Variants in ARMC1 observed in about 807,000 individuals in gnomAD.
The protein encoded by ARMC1 is armadillo repeat containing 1, also known as armadillo repeat-containing protein 1.
Under a neutral mutation model 31.4 loss-of-function variants are expected in ARMC1, and 16 were observed. The observed-to-expected ratio is 0.51, with a 90% confidence interval of 0.34 to 0.77. The LOEUF (loss-of-function observed/expected upper bound fraction) is 0.77, where lower values mean the gene tolerates loss of function less well. ARMC1 is among the 30% of genes least tolerant of loss of function. The pLI is 0.01. For synonymous variants in ARMC1, 114 were observed against 118.9 expected (o/e 0.96, Z 0.27); for missense variants, 259 against 347.5 (o/e 0.75, Z 2.02).
chr8:65,625,715 T>C (rs939749151), intron 2 of ARMC1, among the ~76,000 whole-genome samples: 1 of 152,162 alleles, frequency 6.6e-6, no homozygotes, highest in African/African-American at 2.4e-5. Context: ...CCAATGTCTT[T>C]TTTGACTGCT....
chr8:65,614,536 T>C (rs1235035536), intron 3 of ARMC1, among the ~76,000 whole-genome samples: 1 of 152,182 alleles, frequency 6.6e-6, no homozygotes, highest in Non-Finnish European at 1.5e-5. Flanking sequence ...AGTAAGTACA[T>C]GTAACTGTAA....
rs1421110568 is a variant in ARMC1 at position 65,613,414 on chromosome 8, T to C, written c.295A>G (p.Thr99Ala). The C allele has an allele frequency of 1.9e-6, 3 of 1,597,758 alleles. No homozygotes were observed. The highest frequency in any genetic ancestry group is 1.1e-5 in the South Asian group (1 of 87,142). Reference protein sequence around the residue: ...VIQKTTTPGETKLLASEIYDI... With the variant: ...VIQKTTTPGEAKLLASEIYDI... ...TAGATTTCAGAGGCCAGAAGTTTTG[T>C]TTCTCCTGGAGTTGTAGTTCTTGAA... is the stretch of plus-strand genomic sequence containing the variant. The change falls in exon 4 of 7, where the codon ACA becomes GCA. Residue 99 changes from threonine (T) to alanine (A), a missense_variant. By Grantham distance (58) the Thr-to-Ala change is moderately conservative. Coordinates refer to ENST00000276569, the MANE Select transcript of ARMC1 (RefSeq NM_018120.6).
At chr8:65,621,269 G>A (rs1321753993) in intron 3 of ARMC1, among the ~76,000 whole-genome samples, 1 of 152,062 alleles carries the variant, frequency 6.6e-6, no homozygotes, top group Non-Finnish European at 1.5e-5. Context: ...AGTTCTAGTG[G>A]CTTCCACATT....
intron 1 of ARMC1, among the ~76,000 whole-genome samples, chr8:65,629,943 G>C (rs1808604561): frequency 6.6e-6 from 1 of 152,056 alleles, no homozygotes; most frequent in Non-Finnish European, 1.5e-5. Flanking sequence ...TCAGGAGTTT[G>C]AGACCAGTCT....
chr8:65,627,377 T>G lies in ARMC1; in HGVS notation c.22A>C (p.Met8Leu), dbSNP rs770020189. Reference sequence around the variant, plus strand: ...GATAGAGCGTCAGGCTCTTCACTCATGGTGGAAGTGGAAGAATTCATCTTC... The same window carrying G: ...GATAGAGCGTCAGGCTCTTCACTCAGGGTGGAAGTGGAAGAATTCATCTTC... MNSSTSTMSEEPDALSVV... is the reference protein window; with the variant it reads MNSSTSTLSEEPDALSVV... The change falls in exon 2 of 7, where the codon ATG becomes CTG. Residue 8 changes from methionine to leucine, a missense_variant. By Grantham distance (15) the Met-to-Leu change is conservative (BLOSUM62 2). Around this residue, in one of 3 missense-constraint regions of ARMC1, gnomAD observed 163 missense variants for 186.7 expected, o/e 0.87. Transcript: ENST00000276569. 5.1e-6 allele frequency: 8 copies of G among 1,583,128 alleles called. No homozygotes were observed. The highest frequency in any genetic ancestry group is 6.9e-6 in the Non-Finnish European group (8 of 1,163,862).
chr8:65,609,085 T>C (rs536215221), intron 4 of ARMC1, among the ~76,000 whole-genome samples: 1 of 151,704 alleles, frequency 6.6e-6, no homozygotes, highest in African/African-American at 2.4e-5. Context: ...TTGGTAATCA[T>C]GTTTTTACTA....
At chr8:65,609,167 T>A (rs1808069467) in intron 4 of ARMC1, among the ~76,000 whole-genome samples, 1 of 147,652 alleles carries the variant, frequency 6.8e-6, no homozygotes, top group Non-Finnish European at 1.5e-5. Flanking sequence ...GGAATCTCGC[T>A]ATGTTGACTA....
Position 65,633,989 on chromosome 8 carries a change from C to T in ARMC1, c.-36+9G>A, listed in dbSNP as rs1167710874. The stretch of plus-strand genomic sequence containing the variant: ...ACTGCTTTGTCTGCCGCCCGTGGAC[C>T]CCACATACCGCTCCAGAGCTTTAGG... On this transcript the variant is annotated intron_variant, in intron 1 of 6. Transcript: ENST00000276569. 6.6e-6 allele frequency: 1 copy of T among 152,442 alleles called. No individual in the cohort carries two copies. Among genetic ancestry groups the T allele is most frequent in the African/African-American group, 2.4e-5 (1 of 41,486 alleles). The allele number at this position is 152,442 out of a possible 1,614,324, so 9.4% of individuals were successfully genotyped here.
At chr8:65,609,094 T>C (rs1247681946) in intron 4 of ARMC1, among the ~76,000 whole-genome samples, 1 of 151,578 alleles carries the variant, frequency 6.6e-6, no homozygotes, top group Non-Finnish European at 1.5e-5. Context: ...ATGTTTTTAC[T>C]ATATATTGGC....
In ARMC1 at chr8:65,604,209, G is replaced by A. The variant is rs1303897050; in HGVS notation, c.*185C>T. 8 of 528,640 alleles carry A rather than the reference G, an allele frequency of 1.5e-5. No homozygotes were observed. Among genetic ancestry groups the A allele is most frequent in the Non-Finnish European group, 2.6e-5 (8 of 303,450 alleles). The allele number at this position is 528,640 out of a possible 1,614,324, so 32.7% of individuals were successfully genotyped here. ...CATAAACAAAGCAACTCCATCTGTA[G>A]CCTCTGTCCTTTTTACCACTCAGTG... On this transcript the variant is annotated 3_prime_UTR_variant, in exon 7 of 7. Transcript: ENST00000276569.
At position 65,608,865 on chromosome 8, in the gene ARMC1, T is replaced by C. The variant is rs192088654; in HGVS notation, c.466-3327A>G. Among the ~76,000 whole-genome samples the C allele has an allele frequency of 8.8e-4, 134 of 151,962 alleles. 1 individual carries two copies. The highest frequency in any genetic ancestry group is 3.0e-3 in the Admixed American group (45 of 15,234). ...TGGACGTTGCAGTGAGCCAAGATCG[T>C]GTCACACTGATCTCCAGCCTGGGCG... On this transcript the variant is annotated intron_variant, in intron 4 of 6. Transcript: ENST00000276569.
intron 1 of ARMC1, among the ~76,000 whole-genome samples, chr8:65,631,328 A>G (rs757163496): frequency 1.3e-5 from 2 of 152,144 alleles, no homozygotes; most frequent in African/African-American, 2.4e-5. Flanking sequence ...TCTGCCTCTC[A>G]GGTTCAAGCA....
rs370259226 is a variant in ARMC1, at chr8:65,622,841, A to G, written c.184-487T>C. 1.2e-4 allele frequency among the ~76,000 whole-genome samples: 19 copies of G among 152,040 alleles called. No individual in the cohort carries two copies. The East Asian group carries it at 1.9e-3, about 16-fold the overall frequency. Reference sequence around the variant, plus strand: ...GCCAACATGGTGAAACCTCACCTCTACTAAAAATACAAAAATTAGCTGGAT... The same window carrying G: ...GCCAACATGGTGAAACCTCACCTCTGCTAAAAATACAAAAATTAGCTGGAT... On this transcript the variant is annotated intron_variant, in intron 2 of 6. Transcript: ENST00000276569.
chr8:65,608,555 T>C (rs1808053898), intron 4 of ARMC1, among the ~76,000 whole-genome samples: 1 of 151,916 alleles, frequency 6.6e-6, no homozygotes, highest in Non-Finnish European at 1.5e-5. Flanking sequence ...GAAGTCACAC[T>C]ACCTAGTCCA....
At chr8:65,624,130 A>C (rs1335851781) in intron 2 of ARMC1, among the ~76,000 whole-genome samples, 1 of 152,050 alleles carries the variant, frequency 6.6e-6, no homozygotes, top group Non-Finnish European at 1.5e-5. Flanking sequence ...ACGAAAACAA[A>C]ACCCAAAAAA....
intron 4 of ARMC1, among the ~76,000 whole-genome samples, chr8:65,610,743 T>C (rs1808120351): frequency 6.6e-6 from 1 of 151,950 alleles, no homozygotes; most frequent in Non-Finnish European, 1.5e-5. Flanking sequence ...CCAGAAAACA[T>C]GCTTCTATCT....
At chr8:65,609,871 A>AAAAG (rs1481136709) in intron 4 of ARMC1, among the ~76,000 whole-genome samples, 3 of 23,908 alleles carry the variant, frequency 1.3e-4, no homozygotes, top group East Asian at 1.1e-3. Flanking sequence ...AAAAAAAAAA[A>AAAAG]AAAAAGAAAA....
chr8:65,612,411 G>A (rs1382301544), intron 4 of ARMC1, among the ~76,000 whole-genome samples: 1 of 151,932 alleles, frequency 6.6e-6, no homozygotes, highest in African/African-American at 2.4e-5. Flanking sequence ...GACTATGATT[G>A]TGCCACTGCA....
intron 3 of ARMC1, among the ~76,000 whole-genome samples, chr8:65,621,697 C>T (rs903572471): frequency 2.6e-5 from 4 of 152,010 alleles, no homozygotes; most frequent in Admixed American, 1.3e-4. Context: ...TTACTAGAAA[C>T]GAGATTTCAC....
Sources: gnomAD v4.1 joint callset for allele counts (sites outside exome capture counted in the v4.1 genomes callset) on GRCh38, gnomAD v4.1.1 for gene constraint, gnomAD v4.1.1 regional missense constraint, MANE v1.5 for transcripts, NCBI Gene and HGNC (gene_info 2026-07-23, HGNC 2026-07-21) for gene names.